The following FAM184A variants were observed in gnomAD, a reference collection of about 807,000 sequenced individuals.
The protein encoded by FAM184A is family with sequence similarity 184 member A.
In FAM184A, 99 loss-of-function variants were observed where a neutral mutation model predicts 143.8. The observed-to-expected ratio is 0.69, with a 90% CI of 0.58 to 0.81. FAM184A has a LOEUF of 0.81. FAM184A is among the 40% of genes least tolerant of loss of function. The pLI, the probability that FAM184A is intolerant of heterozygous loss-of-function variation, is 0.00. For synonymous variants in FAM184A, 427 were observed against 446.4 expected (o/e 0.96, Z 0.55); for missense variants, 1,217 against 1,310.5 (o/e 0.93, Z 1.10).
intron 16 of FAM184A, 46 bp downstream of exon 16, chr6:118,964,621 C>A: frequency 1.8e-6 from 2 of 1,108,592 alleles, no homozygotes; most frequent in South Asian, 1.7e-5. Context: ...AATTTTTAAC[C>A]AACTTTTAAA....
chr6:119,029,510 GA>G (rs1443917624), intron 1 of FAM184A, among the ~76,000 whole-genome samples: 1 of 151,934 alleles, frequency 6.6e-6, no homozygotes, highest in African/African-American at 2.4e-5. Flanking sequence ...ACTCACTCCT[GA>G]TTGTCAGTAA....
At chr6:119,004,729 T>C (rs2114643944) in intron 7 of FAM184A, among the ~76,000 whole-genome samples, 1 of 152,320 alleles carries the variant, frequency 6.6e-6, no homozygotes, top group South Asian at 2.1e-4. Flanking sequence ...TCAGTTAAAA[T>C]TCTCCAGCAG....
chr6:119,081,986 G>A (rs555351086), upstream of FAM184A, among the ~76,000 whole-genome samples: 29 of 152,312 alleles, frequency 1.9e-4, no homozygotes, highest in African/African-American at 6.3e-4. Context: ...GTGTCTGCCT[G>A]CTAGGGTCCC....
At chr6:119,135,684 T>G (rs139973559) in intron 1 of FAM184A, among the ~76,000 whole-genome samples, 1 of 152,174 alleles carries the variant, frequency 6.6e-6, no homozygotes, top group African/African-American at 2.4e-5. Context: ...TTCACAAATG[T>G]TACTACAAAA....
chr6:119,029,625 A>G (rs1785796900), intron 1 of FAM184A, among the ~76,000 whole-genome samples: 1 of 152,196 alleles, frequency 6.6e-6, no homozygotes, highest in Non-Finnish European at 1.5e-5. Flanking sequence ...GGTAGCAATC[A>G]AAAAGGTGAA....
intron 7 of FAM184A, among the ~76,000 whole-genome samples, chr6:119,004,189 TCTGTGGAGC>T (rs1282284082): frequency 2.0e-5 from 3 of 152,234 alleles, no homozygotes; most frequent in African/African-American, 7.2e-5. Context: ...ATCAAGTGGC[TCTGTGGAGC>T]CTGGGGATAG....
At chr6:119,040,422 C>T (rs1287617822) in intron 1 of FAM184A, among the ~76,000 whole-genome samples, 3 of 152,188 alleles carry the variant, frequency 2.0e-5, no homozygotes, top group African/African-American at 7.2e-5. Flanking sequence ...CTAACAAATT[C>T]CCCAGAGTAA....
At chr6:119,132,523 C>T (rs778009619) in intron 1 of FAM184A, among the ~76,000 whole-genome samples, 5 of 152,172 alleles carry the variant, frequency 3.3e-5, no homozygotes, top group Non-Finnish European at 5.9e-5. Flanking sequence ...ACTCAAAATC[C>T]ACATTTTTGA....
chr6:118,968,469 G>C (rs1490858687), intron 14 of FAM184A, among the ~76,000 whole-genome samples: 1 of 152,178 alleles, frequency 6.6e-6, no homozygotes, highest in South Asian at 2.1e-4. Context: ...AATGTGATTT[G>C]TTAACTCAAA....
At chr6:119,076,447 G>A (rs997033203) in intron 1 of FAM184A, among the ~76,000 whole-genome samples, 5 of 152,128 alleles carry the variant, frequency 3.3e-5, no homozygotes, top group Non-Finnish European at 1.5e-5. Context: ...GTAATGTCAT[G>A]GGAGAAAACA....
chr6:119,074,079 G>A (rs1346666314), intron 1 of FAM184A, among the ~76,000 whole-genome samples: 1 of 152,194 alleles, frequency 6.6e-6, no homozygotes, highest in Non-Finnish European at 1.5e-5. Context: ...GAGCCACTGA[G>A]GTGGGAGGTA....
chr6:119,009,341 T>C (rs1321754029), intron 6 of FAM184A, among the ~76,000 whole-genome samples: 1 of 152,156 alleles, frequency 6.6e-6, no homozygotes, highest in Non-Finnish European at 1.5e-5. Context: ...AGGAGGTGAC[T>C]GAATTATGGG....
chr6:119,035,820 G>A (rs1256353609), intron 1 of FAM184A, among the ~76,000 whole-genome samples: 1 of 151,980 alleles, frequency 6.6e-6, no homozygotes, highest in African/African-American at 2.4e-5. Flanking sequence ...TCAAGTTGTC[G>A]CACCTTTCCC....
chr6:119,093,643 G>C (rs938726139), intron 1 of FAM184A, among the ~76,000 whole-genome samples: 1 of 152,126 alleles, frequency 6.6e-6, no homozygotes, highest in African/African-American at 2.4e-5. Context: ...TCCCAAGGAG[G>C]ACGAGTAACA....
chr6:119,078,141 C>CT lies in FAM184A; in HGVS notation c.158dup (p.Val54GlyfsTer8). The CT allele has an allele frequency of 3.8e-6, 6 of 1,586,994 alleles. No homozygotes were observed. Among genetic ancestry groups the CT allele is most frequent in the Non-Finnish European group, 4.3e-6 (5 of 1,168,816 alleles). ...CCTGCCCCGTCGCTGCCCCCCTTAC[C>CT]TTGGTGAGCTGGGCGATTTTCTTGC... is the stretch of plus-strand genomic sequence containing the variant. On this transcript the variant is annotated frameshift_variant and splice_region_variant, in exon 1 of 18. Coordinates refer to ENST00000338891, the MANE Select transcript of FAM184A (RefSeq NM_024581.6). LOFTEE classifies it high-confidence loss of function. The surrounding 1 kb of genome is among the most constrained non-coding windows in gnomAD (Gnocchi z 5.5).
At chr6:118,984,276 C>T (rs993409604) in intron 9 of FAM184A, among the ~76,000 whole-genome samples, 1 of 147,144 alleles carries the variant, frequency 6.8e-6, no homozygotes, top group East Asian at 2.0e-4. Context: ...CAGCCTCAAC[C>T]ACCTGGGCTC....
At chr6:119,091,864 C>T (rs546912115) in intron 1 of FAM184A, among the ~76,000 whole-genome samples, 2 of 152,280 alleles carry the variant, frequency 1.3e-5, no homozygotes, top group South Asian at 4.1e-4. Flanking sequence ...AGTAGCTATG[C>T]CAGCTTGGTG....
At chr6:119,116,394 T>G (rs1789064326) in intron 1 of FAM184A, among the ~76,000 whole-genome samples, 2 of 152,200 alleles carry the variant, frequency 1.3e-5, no homozygotes, top group South Asian at 4.1e-4. Context: ...GGACCCCATG[T>G]TGGGTACTAT....
chr6:119,094,470 C>T (rs536300552), intron 1 of FAM184A, among the ~76,000 whole-genome samples: 1 of 152,206 alleles, frequency 6.6e-6, no homozygotes, highest in East Asian at 1.9e-4. Context: ...TTCCCTTCCA[C>T]AACATCCTGT....
Sources: allele counts gnomAD v4.1 joint callset (sites outside exome capture counted in the v4.1 genomes callset), GRCh38; gene constraint gnomAD v4.1.1; non-coding constraint Gnocchi (gnomAD v3.1); transcripts MANE v1.5; gene names NCBI Gene and HGNC (gene_info 2026-07-23, HGNC 2026-07-21).